RBFOX1: variants seen among roughly 807,000 people sequenced by gnomAD.
RBFOX1 encodes RNA binding protein fox-1 homolog 1.
A neutral mutation model predicts 57.7 loss-of-function variants in RBFOX1; 8 were observed. The observed-to-expected ratio is 0.14, with a 90% CI of 0.08 to 0.25. The LOEUF is 0.25. Ranked by LOEUF, RBFOX1 falls within the 10% of genes least tolerant of loss-of-function variation. The pLI is 1.00. For synonymous variants in RBFOX1, 326 were observed against 222.4 expected (o/e 1.47, Z -4.15); for missense variants, 611 against 548.5 (o/e 1.11, Z -1.14).
intron 1 of RBFOX1, among the ~76,000 whole-genome samples, chr16:5,431,239 G>T (rs1243667471): frequency 6.6e-6 from 1 of 152,204 alleles, no homozygotes; most frequent in African/African-American, 2.4e-5. Flanking sequence ...CTTTCGTAAA[G>T]TTCTGAATGG....
intron 2 of RBFOX1, among the ~76,000 whole-genome samples, chr16:5,557,062 A>T (rs1046810957): frequency 1.2e-4 from 18 of 152,158 alleles, no homozygotes; most frequent in African/African-American, 1.7e-4. Context: ...GATCAAGGCC[A>T]TCCTAGTTAA....
At chr16:6,853,665 A>C (rs1291929720) in intron 3 of RBFOX1, among the ~76,000 whole-genome samples, 1 of 152,158 alleles carries the variant, frequency 6.6e-6, no homozygotes, top group Admixed American at 6.5e-5. Context: ...GCCTGTATGG[A>C]GGCTAATTTG....
At chr16:5,535,458 C>A (rs1158113661) in intron 2 of RBFOX1, among the ~76,000 whole-genome samples, 1 of 152,190 alleles carries the variant, frequency 6.6e-6, no homozygotes, top group Non-Finnish European at 1.5e-5. Flanking sequence ...TGATTCCAAA[C>A]CCAAGAAAAC....
intron 3 of RBFOX1, among the ~76,000 whole-genome samples, chr16:6,759,612 T>C (rs2154197738): frequency 6.6e-6 from 1 of 152,140 alleles, no homozygotes; most frequent in East Asian, 1.9e-4. Context: ...CAGAGCCTTT[T>C]GTTCTTTAGC....
chr16:7,640,420 C>G (rs2062580618), intron 11 of RBFOX1, among the ~76,000 whole-genome samples: 1 of 152,242 alleles, frequency 6.6e-6, no homozygotes, highest in Non-Finnish European at 1.5e-5. Flanking sequence ...AAAAGGCCGC[C>G]AGTTGCAAAA....
intron 2 of RBFOX1, among the ~76,000 whole-genome samples, chr16:5,488,639 A>T (rs531026522): frequency 1.5e-5 from 1 of 65,548 alleles, no homozygotes; most frequent in African/African-American, 3.8e-5. Flanking sequence ...GATTATAGTG[A>T]TGATGGTGAT....
intron 4 of RBFOX1, among the ~76,000 whole-genome samples, chr16:7,163,948 C>T (rs923261752): frequency 3.3e-5 from 5 of 152,182 alleles, no homozygotes; most frequent in African/African-American, 1.2e-4. Context: ...GTGTGAGCCA[C>T]CGCACACAGC....
At chr16:7,125,060 G>A (rs1441817018) in intron 4 of RBFOX1, among the ~76,000 whole-genome samples, 1 of 152,148 alleles carries the variant, frequency 6.6e-6, no homozygotes, top group Admixed American at 6.5e-5. Context: ...AGGTTTGGAT[G>A]AAGAGAGCAC....
chr16:7,414,439 A>G (rs913837306), intron 4 of RBFOX1, among the ~76,000 whole-genome samples: 5 of 152,328 alleles, frequency 3.3e-5, no homozygotes, highest in East Asian at 1.9e-4. Flanking sequence ...AAAATCTTCA[A>G]TTAAAATGTG....
At chr16:6,101,024 C>G (rs575112733) in intron 1 of RBFOX1, among the ~76,000 whole-genome samples, 1 of 152,274 alleles carries the variant, frequency 6.6e-6, no homozygotes, top group East Asian at 1.9e-4. Context: ...GTTTTAGGGT[C>G]AGATGTCAGT....
intron 1 of RBFOX1, among the ~76,000 whole-genome samples, chr16:6,170,000 C>G (rs2096947575): frequency 3.3e-5 from 5 of 152,240 alleles, no homozygotes; most frequent in Admixed American, 2.6e-4. Flanking sequence ...AATGCCTGAC[C>G]TTAAGCGATC....
At chr16:7,021,439 T>G (rs2039034471) in intron 3 of RBFOX1, among the ~76,000 whole-genome samples, 1 of 146,390 alleles carries the variant, frequency 6.8e-6, no homozygotes, top group African/African-American at 2.5e-5. Context: ...TATATATGTT[T>G]TATATATCAG....
chr16:6,523,983 C>T (rs141901188), intron 2 of RBFOX1, among the ~76,000 whole-genome samples: 26 of 152,260 alleles, frequency 1.7e-4, no homozygotes, highest in African/African-American at 6.3e-4. Flanking sequence ...ATCCCTCATG[C>T]ATTTATCCTT....
intron 3 of RBFOX1, among the ~76,000 whole-genome samples, chr16:5,770,588 C>A (rs940225751): frequency 2.0e-5 from 3 of 152,206 alleles, no homozygotes; most frequent in Non-Finnish European, 4.4e-5. Flanking sequence ...TGTGGAGCAG[C>A]CATTTTCCTG....
At chr16:7,332,245 A>T (rs928055226) in intron 4 of RBFOX1, among the ~76,000 whole-genome samples, 32 of 152,192 alleles carry the variant, frequency 2.1e-4, no homozygotes. Flanking sequence ...CCCATTTGTT[A>T]TATGGGACTG....
intron 1 of RBFOX1, among the ~76,000 whole-genome samples, chr16:5,329,605 C>T (rs896248913): frequency 6.6e-6 from 1 of 152,342 alleles, no homozygotes; most frequent in South Asian, 2.1e-4. Flanking sequence ...AGTTTACTGT[C>T]TTAGTCTGTT....
chr16:7,706,085 A>G (rs10852690), intron 14 of RBFOX1, among the ~76,000 whole-genome samples: 44,837 of 152,056 alleles, frequency 0.29, 7,212 homozygotes, highest in East Asian at 0.7. Context: ...AGGACATCAG[A>G]TTGCTGACGT....
chr16:5,643,303 T>C (rs1409762125), intron 3 of RBFOX1, among the ~76,000 whole-genome samples: 1 of 152,144 alleles, frequency 6.6e-6, no homozygotes, highest in Non-Finnish European at 1.5e-5. Context: ...TTGATTATCG[T>C]TTTTTTAGGG....
chr16:5,416,650 G>T (rs2067167139), intron 1 of RBFOX1, among the ~76,000 whole-genome samples: 1 of 150,958 alleles, frequency 6.6e-6, no homozygotes, highest in African/African-American at 2.4e-5. Context: ...CTCTTACAAT[G>T]CTTACGATTG....
Sources: gnomAD v4.1 joint callset for allele counts (sites outside exome capture counted in the v4.1 genomes callset) on GRCh38, gnomAD v4.1.1 for gene constraint, MANE v1.5 for transcripts, NCBI Gene and HGNC (gene_info 2026-07-23, HGNC 2026-07-21) for gene names.